The following OR9Q1 variants were observed in gnomAD, a reference collection of about 807,000 sequenced individuals.
OR9Q1 encodes the protein olfactory receptor family 9 subfamily Q member 1, also known as olfactory receptor 9Q1.
For missense variants in OR9Q1, 374 were observed against 378.8 expected, an observed-to-expected ratio of 0.99 and a Z score of 0.11; for synonymous variants, 153 against 148.6, an observed-to-expected ratio of 1.03 and a Z score of -0.22.
intron 1 of OR9Q1, chr11:58,047,169 T>C (rs1317701115): frequency 6.6e-6 from 1 of 152,222 alleles, no homozygotes; most frequent in Non-Finnish European, 1.5e-5. Flanking sequence ...GAAGGTTTTA[T>C]TTACTGAACA....
intron 2 of OR9Q1, among the ~76,000 whole-genome samples, chr11:58,148,424 C>CAAAG (rs2119888447): frequency 6.6e-6 from 1 of 152,208 alleles, no homozygotes; most frequent in South Asian, 2.1e-4. Flanking sequence ...TCATGAAGAT[C>CAAAG]AATACAAGAT....
chr11:58,179,008 A>AGAG (rs1554973091), intron 2 of OR9Q1, among the ~76,000 whole-genome samples: 1,056 of 90,576 alleles, frequency 0.012, 23 homozygotes, highest in African/African-American at 0.032. Context: ...GAGAGAAAGA[A>AGAG]AGAAAGAGAG....
chr11:58,048,712 T>C (rs1167473717), intron 1 of OR9Q1, among the ~76,000 whole-genome samples: 3 of 132,198 alleles, frequency 2.3e-5, no homozygotes, highest in African/African-American at 8.4e-5. Context: ...GCAAGACTAA[T>C]AAAAAAAGAG....
intron 2 of OR9Q1, chr11:58,109,143 C>T: frequency 2.0e-6 from 1 of 504,330 alleles, no homozygotes; most frequent in South Asian, 1.5e-5. Flanking sequence ...AGAAGTTGAT[C>T]TGATTGTCAC....
intron 2 of OR9Q1, among the ~76,000 whole-genome samples, chr11:58,154,223 A>G (rs1854383608): frequency 1.3e-5 from 2 of 151,644 alleles, no homozygotes; most frequent in Admixed American, 1.3e-4. Flanking sequence ...GAAGGAAAGC[A>G]ACTTTGAACT....
chr11:58,134,299 ACT>A (rs1854170810), intron 2 of OR9Q1, among the ~76,000 whole-genome samples: 1 of 152,080 alleles, frequency 6.6e-6, no homozygotes, highest in Non-Finnish European at 1.5e-5. Flanking sequence ...CTGTGCTAAG[ACT>A]CTGAAAGGAG....
At chr11:58,166,222 G>A (rs904884952) in intron 2 of OR9Q1, among the ~76,000 whole-genome samples, 2 of 151,878 alleles carry the variant, frequency 1.3e-5, no homozygotes, top group Non-Finnish European at 2.9e-5. Flanking sequence ...ACTTAATTGG[G>A]GTTATTACAA....
intron 2 of OR9Q1, chr11:58,109,335 G>C (rs1176058724): frequency 2.2e-6 from 1 of 460,520 alleles, no homozygotes; most frequent in South Asian, 1.5e-5. Flanking sequence ...AACACTCTGT[G>C]CCTGCACATA....
At chr11:58,084,472 G>A (rs913490801) in intron 2 of OR9Q1, among the ~76,000 whole-genome samples, 1 of 151,748 alleles carries the variant, frequency 6.6e-6, no homozygotes, top group Non-Finnish European at 1.5e-5. Flanking sequence ...ATCAAAATCT[G>A]ACAGAGACTA....
chr11:58,150,067 C>T (rs929948546), intron 2 of OR9Q1, among the ~76,000 whole-genome samples: 14 of 152,112 alleles, frequency 9.2e-5, no homozygotes, highest in African/African-American at 2.7e-4. Context: ...GCAGCTGCAC[C>T]GTTTTACATT....
intron 2 of OR9Q1, among the ~76,000 whole-genome samples, chr11:58,128,949 C>T (rs1274074231): frequency 2.6e-5 from 4 of 152,166 alleles, no homozygotes; most frequent in Non-Finnish European, 5.9e-5. Context: ...AGATTTACTT[C>T]ATACCATCTT....
At chr11:58,121,735 C>A (rs1170558941) in intron 2 of OR9Q1, among the ~76,000 whole-genome samples, 1 of 152,166 alleles carries the variant, frequency 6.6e-6, no homozygotes, top group Non-Finnish European at 1.5e-5. Context: ...CCTTGTAGCA[C>A]AACTGGGAAT....
intron 2 of OR9Q1, among the ~76,000 whole-genome samples, chr11:58,058,661 G>A (rs1369473963): frequency 6.6e-6 from 1 of 152,196 alleles, no homozygotes; most frequent in East Asian, 1.9e-4. Context: ...AATGACGGTG[G>A]CAGCAGGGGT....
At chr11:58,177,258 T>C (rs1406036401) in intron 2 of OR9Q1, among the ~76,000 whole-genome samples, 1 of 152,242 alleles carries the variant, frequency 6.6e-6, no homozygotes, top group African/African-American at 2.4e-5. Context: ...GGACACCTTC[T>C]GAGTAGAGGC....
chr11:58,078,737 T>C (rs193137493), intron 2 of OR9Q1: 1 of 152,346 alleles, frequency 6.6e-6, no homozygotes. Context: ...AAGTAAATGG[T>C]TGCCCTCTAG....
chr11:58,065,809 C>A (rs557076311), intron 2 of OR9Q1, among the ~76,000 whole-genome samples: 1 of 152,302 alleles, frequency 6.6e-6, no homozygotes, highest in African/African-American at 2.4e-5. Flanking sequence ...TGCTCAGCTG[C>A]TCAGAGAGAA....
chr11:58,157,311 G>T (rs1018551556), intron 2 of OR9Q1, among the ~76,000 whole-genome samples: 1 of 152,040 alleles, frequency 6.6e-6, no homozygotes, highest in Non-Finnish European at 1.5e-5. Flanking sequence ...TCCCTGAAGG[G>T]GTCTATGAAC....
intron 2 of OR9Q1, among the ~76,000 whole-genome samples, chr11:58,064,679 T>C (rs1200468732): frequency 6.6e-6 from 1 of 151,998 alleles, no homozygotes; most frequent in African/African-American, 2.4e-5. Flanking sequence ...CCCTTCTGCC[T>C]CAGCCACAGC....
chr11:58,039,960 T>C (rs889503866), intron 1 of OR9Q1, among the ~76,000 whole-genome samples: 4 of 152,256 alleles, frequency 2.6e-5, no homozygotes, highest in African/African-American at 7.2e-5. Context: ...CTAAATGTTT[T>C]ACTAAATTTA....
Sources: gnomAD v4.1 joint callset for allele counts (sites outside exome capture counted in the v4.1 genomes callset) on GRCh38, gnomAD v4.1.1 for gene constraint, MANE v1.5 for transcripts, NCBI Gene and HGNC (gene_info 2026-07-23, HGNC 2026-07-21) for gene names.